AR: variants seen among roughly 807,000 people sequenced by gnomAD.
AR encodes androgen receptor, also known as dihydrotestosterone receptor.
In AR, 8 loss-of-function variants were observed where a neutral mutation model predicts 53.9. The observed-to-expected ratio is 0.15, with a 90% CI of 0.09 to 0.27. The LOEUF is 0.27. Among genes scored for constraint, AR ranks in the 10% least tolerant of loss-of-function variants. The probability of loss-of-function intolerance (pLI) is 1.00; values close to 1 mark genes in which losing one functional copy is unlikely to be tolerated. For missense variants in AR, 639 were observed against 742.5 expected, an observed-to-expected ratio of 0.86 and a Z score of 1.62; for synonymous variants, 359 against 316.4, an observed-to-expected ratio of 1.13 and a Z score of -1.43.
intron 1 of AR, among the ~76,000 whole-genome samples, chrX:67,616,453 G>A (rs1015882450): frequency 3.6e-5 from 4 of 110,295 alleles, no homozygotes; most frequent in South Asian, 3.9e-4. Flanking sequence ...GCGGTGTTTC[G>A]TTTTCTGTTC....
At chrX:67,720,610 T>A (rs759938309) in intron 5 of AR, among the ~76,000 whole-genome samples, 1 of 111,572 alleles carries the variant, frequency 9.0e-6, no homozygotes, top group African/African-American at 3.3e-5. Context: ...CTCTTTCTAG[T>A]TGGGCTTCAG....
At chrX:67,555,686 G>A (rs1602152349) in intron 1 of AR, among the ~76,000 whole-genome samples, 2 of 112,295 alleles carry the variant, frequency 1.8e-5, no homozygotes, top group African/African-American at 6.5e-5. Flanking sequence ...ATTAGACAAC[G>A]TAACATTCTG....
At chrX:67,662,124 G>T (rs1278844735) in intron 2 of AR, among the ~76,000 whole-genome samples, 1 of 110,850 alleles carries the variant, frequency 9.0e-6, no homozygotes, top group Admixed American at 9.6e-5. Context: ...CAATTTTGTT[G>T]ATCTTTTCAA....
intron 2 of AR, among the ~76,000 whole-genome samples, chrX:67,671,001 A>G (rs2075861764): frequency 8.9e-6 from 1 of 111,780 alleles, no homozygotes; most frequent in African/African-American, 3.3e-5. Context: ...CCAGTATATC[A>G]TTGATGGGCA....
chrX:67,680,174 A>G (rs2092128592), intron 2 of AR, among the ~76,000 whole-genome samples: 1 of 111,926 alleles, frequency 8.9e-6, no homozygotes, highest in Admixed American at 9.5e-5. Context: ...TCTTCACTGA[A>G]TTGGAATGGC....
At chrX:67,605,094 A>T (rs1318484532) in intron 1 of AR, among the ~76,000 whole-genome samples, 7 of 112,468 alleles carry the variant, frequency 6.2e-5, no homozygotes, top group Non-Finnish European at 1.3e-4. Flanking sequence ...TGAGCCTTTT[A>T]TGCTGGAATA....
intron 1 of AR, among the ~76,000 whole-genome samples, chrX:67,630,687 T>G (rs1434531280): frequency 1.6e-4 from 18 of 110,562 alleles, no homozygotes; most frequent in African/African-American, 3.6e-4. Flanking sequence ...TCATTATGAT[T>G]TTAGCTGGTT....
chrX:67,649,284 T>A (rs1355774923), intron 2 of AR, among the ~76,000 whole-genome samples: 1 of 112,354 alleles, frequency 8.9e-6, no homozygotes, highest in Non-Finnish European at 1.9e-5. Flanking sequence ...TTGATGGGCA[T>A]TTCGGTTGGT....
At chrX:67,718,065 G>T (rs1484689112) in intron 5 of AR, among the ~76,000 whole-genome samples, 1 of 112,321 alleles carries the variant, frequency 8.9e-6, no homozygotes, top group East Asian at 2.8e-4. Context: ...CTAAATCCTA[G>T]CTCATTGAGT....
chrX:67,689,400 G>T (rs1490642227), intron 3 of AR, among the ~76,000 whole-genome samples: 1 of 111,312 alleles, frequency 9.0e-6, no homozygotes, highest in East Asian at 2.9e-4. Flanking sequence ...ATGGCTGCTT[G>T]GTCTTGAGGC....
intron 1 of AR, among the ~76,000 whole-genome samples, chrX:67,568,247 C>T (rs923511120): frequency 9.0e-6 from 1 of 111,660 alleles, no homozygotes; most frequent in African/African-American, 3.3e-5. Flanking sequence ...TGTGCTTCTT[C>T]GCTAGACACG....
At chrX:67,630,929 G>T (rs772460101) in intron 1 of AR, among the ~76,000 whole-genome samples, 1 of 110,772 alleles carries the variant, frequency 9.0e-6, no homozygotes, top group East Asian at 2.9e-4. Context: ...GAAATTCTGG[G>T]TTGAAAATTC....
chrX:67,573,281 A>G (rs1921905118), intron 1 of AR, among the ~76,000 whole-genome samples: 1 of 111,927 alleles, frequency 8.9e-6, no homozygotes, highest in African/African-American at 3.2e-5. Context: ...ACCTTCAAAC[A>G]GTACTTATGA....
intron 2 of AR, among the ~76,000 whole-genome samples, chrX:67,683,232 G>T (rs781350669): frequency 6.3e-5 from 7 of 111,601 alleles, no homozygotes; most frequent in Non-Finnish European, 9.4e-5. Context: ...TAACTACCTT[G>T]AGTTTTGGGA....
In AR at chrX:67,548,619, TAACAGGG is replaced by T. The variant is rs759489383; in HGVS notation, c.1616+1860_1616+1866del. 5.1e-3 allele frequency among the ~76,000 whole-genome samples: 571 copies of T among 110,875 alleles called. 2 individuals are homozygous for T. The highest frequency in any genetic ancestry group is 0.018 in the African/African-American group (537 of 30,445). ...ATGCCTCCCCCACAACTTACTTACT[TAACAGGG>T]AAAAAACTGATGGTTCCACATATTT... On this transcript the variant is annotated intron_variant, in intron 1 of 7. Coordinates refer to ENST00000374690, the MANE Select transcript of AR (RefSeq NM_000044.6).
chrX:67,609,955 G>A lies in AR; in HGVS notation c.1617-33301G>A, dbSNP rs1478305963. Among the ~76,000 whole-genome samples, 5 of 111,414 alleles carry A rather than the reference G, an allele frequency of 4.5e-5. No individual in the cohort carries two copies. The Admixed American group carries it at 4.8e-4, about 11-fold the overall frequency. On this transcript the variant is annotated intron_variant, in intron 1 of 7. Transcript: ENST00000374690. ...GACCACTTAACTCTTGGAAAATACA[G>A]GAAACGTAGATTTCTAGAGGCCAAG...
chrX:67,574,975 T>TC (rs1189633903), intron 1 of AR, among the ~76,000 whole-genome samples: 1 of 111,594 alleles, frequency 9.0e-6, no homozygotes, highest in Admixed American at 9.5e-5. Flanking sequence ...TTTCTTTTTT[T>TC]CCGGGGGGGA....
chrX:67,701,226 T>C (rs1447166632), intron 3 of AR, among the ~76,000 whole-genome samples: 1 of 112,144 alleles, frequency 8.9e-6, no homozygotes, highest in East Asian at 2.8e-4. Flanking sequence ...CTTTCTATTT[T>C]ATAGTTTAAT....
At chrX:67,583,568 T>G (rs1000752994) in intron 1 of AR, among the ~76,000 whole-genome samples, 11 of 111,828 alleles carry the variant, frequency 9.8e-5, no homozygotes, top group Admixed American at 1.9e-4. Flanking sequence ...AGTCAAGAGG[T>G]TGGTTTTGAA....
Sources: allele counts gnomAD v4.1 joint callset (sites outside exome capture counted in the v4.1 genomes callset), GRCh38; gene constraint gnomAD v4.1.1; transcripts MANE v1.5; gene names NCBI Gene and HGNC (gene_info 2026-07-23, HGNC 2026-07-21).